Variants in FMN2 observed in about 807,000 individuals in gnomAD.
FMN2 encodes formin 2.
A neutral mutation model predicts 142.3 loss-of-function variants in FMN2; 51 were observed. The ratio of observed to expected loss-of-function variants is 0.36; its 90% CI spans 0.29 to 0.45. FMN2 has a LOEUF of 0.45. Ranked by LOEUF, FMN2 falls within the 20% of genes least tolerant of loss-of-function variation. The probability of loss-of-function intolerance (pLI) is 1.00; values close to 1 mark genes in which losing one functional copy is unlikely to be tolerated. For missense variants in FMN2, 1,936 were observed against 2,122.8 expected (o/e 0.91, Z 1.73); for synonymous variants, 882 against 869.8 (o/e 1.01, Z -0.25).
chr1:240,242,567 A>T (rs1272707931), intron 6 of FMN2, among the ~76,000 whole-genome samples: 2 of 152,220 alleles, frequency 1.3e-5, no homozygotes, highest in East Asian at 3.9e-4. Context: ...CATCCAGATG[A>T]TGTTACAACC....
intron 15 of FMN2, among the ~76,000 whole-genome samples, chr1:240,435,343 T>A (rs1675329184): frequency 6.6e-6 from 1 of 151,250 alleles, no homozygotes; most frequent in South Asian, 2.1e-4. Flanking sequence ...ATAATCAGAA[T>A]AATTATCACT....
chr1:240,378,261 C>T (rs1432977122), intron 14 of FMN2, among the ~76,000 whole-genome samples: 2 of 152,086 alleles, frequency 1.3e-5, no homozygotes, highest in Non-Finnish European at 2.9e-5. Flanking sequence ...AACGATTCTC[C>T]TGCCTCAGCC....
At chr1:240,302,691 T>C (rs1401619000) in intron 8 of FMN2, among the ~76,000 whole-genome samples, 2 of 152,074 alleles carry the variant, frequency 1.3e-5, no homozygotes, top group South Asian at 2.1e-4. Flanking sequence ...ACACCCTTAG[T>C]CATACATTCT....
chr1:240,200,937 G>A (rs1043055290), intron 4 of FMN2, among the ~76,000 whole-genome samples: 3 of 152,066 alleles, frequency 2.0e-5, no homozygotes, highest in African/African-American at 7.2e-5. Flanking sequence ...CACAAGGCTA[G>A]CATTGCTATA....
intron 6 of FMN2, among the ~76,000 whole-genome samples, chr1:240,211,729 A>G (rs555173749): frequency 6.6e-6 from 1 of 152,242 alleles, no homozygotes; most frequent in Non-Finnish European, 1.5e-5. Flanking sequence ...GAAATCTTGT[A>G]TCCATTTCTA....
chr1:240,148,375 G>C (rs964825973), intron 2 of FMN2, among the ~76,000 whole-genome samples: 14 of 145,214 alleles, frequency 9.6e-5, no homozygotes, highest in African/African-American at 2.2e-4. Flanking sequence ...GACAGAGAGA[G>C]AGAGAGAAAG....
At chr1:240,428,929 T>A (rs532055192) in intron 15 of FMN2, among the ~76,000 whole-genome samples, 1 of 152,370 alleles carries the variant, frequency 6.6e-6, no homozygotes, top group Admixed American at 6.5e-5. Context: ...GAGGCTTTTA[T>A]AATACACATA....
intron 4 of FMN2, among the ~76,000 whole-genome samples, chr1:240,201,109 A>G (rs536068043): frequency 6.6e-6 from 1 of 152,302 alleles, no homozygotes; most frequent in East Asian, 1.9e-4. Flanking sequence ...AGTACCCTCA[A>G]TTATCAAGTT....
At chr1:240,396,859 G>A (rs1281495458) in intron 15 of FMN2, among the ~76,000 whole-genome samples, 4 of 152,206 alleles carry the variant, frequency 2.6e-5, no homozygotes, top group African/African-American at 9.6e-5. Context: ...CACTGCTGAT[G>A]GGCACCTGGG....
intron 6 of FMN2, among the ~76,000 whole-genome samples, chr1:240,225,339 TTA>T (rs148066080): frequency 1.5e-3 from 224 of 152,282 alleles, no homozygotes; most frequent in African/African-American, 5.1e-3. Context: ...GCCCCAGTGG[TTA>T]AGGGTAAAAC....
At chr1:240,440,131 C>T (rs1017813449) in intron 16 of FMN2, among the ~76,000 whole-genome samples, 1 of 152,192 alleles carries the variant, frequency 6.6e-6, no homozygotes, top group Non-Finnish European at 1.5e-5. Flanking sequence ...GCAAGTGCAT[C>T]GCTGTCGGAG....
chr1:240,187,269 C>CACA (rs1491212537), intron 3 of FMN2, among the ~76,000 whole-genome samples: 52 of 83,786 alleles, frequency 6.2e-4, no homozygotes, highest in Non-Finnish European at 9.5e-4. Flanking sequence ...AACTCCATCT[C>CACA]AAAAAAAAAA....
chr1:240,097,357 C>CTTT (rs534995077), intron 1 of FMN2, among the ~76,000 whole-genome samples: 16 of 131,124 alleles, frequency 1.2e-4, no homozygotes, highest in Non-Finnish European at 1.6e-4. Flanking sequence ...TTATAGCTGC[C>CTTT]TTTTTTTTTT....
chr1:240,357,455 C>T (rs921573939), intron 14 of FMN2, among the ~76,000 whole-genome samples: 4 of 152,030 alleles, frequency 2.6e-5, no homozygotes, highest in Non-Finnish European at 5.9e-5. Flanking sequence ...GATGATCAGC[C>T]GAATATGATA....
chr1:240,103,989 G>T (rs1422039286), intron 1 of FMN2, among the ~76,000 whole-genome samples: 1 of 151,604 alleles, frequency 6.6e-6, no homozygotes, highest in African/African-American at 2.4e-5. Flanking sequence ...CCATTCTCCT[G>T]CCTCAGCCTC....
intron 1 of FMN2, among the ~76,000 whole-genome samples, chr1:240,096,552 A>C (rs1031874268): frequency 6.6e-6 from 1 of 152,158 alleles, no homozygotes; most frequent in African/African-American, 2.4e-5. Context: ...CTTGGAAATT[A>C]CCAGAGGCTT....
At chr1:240,216,881 G>A (rs572631588) in intron 6 of FMN2, among the ~76,000 whole-genome samples, 2 of 152,044 alleles carry the variant, frequency 1.3e-5, no homozygotes, top group African/African-American at 2.4e-5. Context: ...CCCGGGAGGC[G>A]GAGGTTGCAG....
At chr1:240,343,113 A>G (rs538360320) in intron 13 of FMN2, among the ~76,000 whole-genome samples, 6 of 152,318 alleles carry the variant, frequency 3.9e-5, no homozygotes, top group East Asian at 1.9e-4. Flanking sequence ...CAGATATAAA[A>G]TATTCAAACC....
At chr1:240,444,029 A>G (rs971414548) in intron 16 of FMN2, among the ~76,000 whole-genome samples, 3 of 152,080 alleles carry the variant, frequency 2.0e-5, no homozygotes, top group African/African-American at 7.2e-5. Flanking sequence ...TTTTACCCTG[A>G]TTGAGAGGCT....
Sources: gnomAD v4.1 joint callset for allele counts (sites outside exome capture counted in the v4.1 genomes callset) on GRCh38, gnomAD v4.1.1 for gene constraint, MANE v1.5 for transcripts, NCBI Gene and HGNC (gene_info 2026-07-23, HGNC 2026-07-21) for gene names.